The following PARL variants were observed in gnomAD, a reference collection of about 807,000 sequenced individuals.
PARL encodes the protein presenilin-associated rhomboid-like protein, mitochondrial.
In PARL, 44 loss-of-function variants were observed where a neutral mutation model predicts 51.6. The ratio of observed to expected loss-of-function variants is 0.85; its 90% CI spans 0.67 to 1.10. The LOEUF (loss-of-function observed/expected upper bound fraction) is 1.10. PARL is among the 50% of genes least tolerant of loss of function. The pLI, the probability that PARL is intolerant of heterozygous loss-of-function variation, is 0.00. For synonymous variants in PARL, 172 were observed against 164.0 expected (o/e 1.05, Z -0.37); for missense variants, 441 against 469.5 (o/e 0.94, Z 0.56).
intron 1 of PARL, among the ~76,000 whole-genome samples, chr3:183,868,391 CTT>C (rs145149456): frequency 6.9e-5 from 10 of 145,342 alleles, no homozygotes; most frequent in Admixed American, 1.4e-4. Flanking sequence ...TTGTCCGTTT[CTT>C]TTTTTTTTTT....
chr3:183,828,166 G>A (rs1727564616), downstream of PARL, among the ~76,000 whole-genome samples: 1 of 152,258 alleles, frequency 6.6e-6, no homozygotes, highest in Non-Finnish European at 1.5e-5. Flanking sequence ...GGGTTTTAGG[G>A]ACCAGGAGAT....
chr3:183,826,841 A>G (rs938300434), downstream of PARL: 3 of 903,278 alleles, frequency 3.3e-6, no homozygotes, highest in African/African-American at 5.4e-5. Flanking sequence ...AAAATTCTCC[A>G]TCTCGCAGGA....
At position 183,871,048 on chromosome 3, in the gene PARL, T is replaced by C. The variant is rs192940711; in HGVS notation, c.126-2988A>G. Among the ~76,000 whole-genome samples, 832 of 152,270 alleles carry C rather than the reference T, an allele frequency of 5.5e-3. 4 individuals carry two copies. Among genetic ancestry groups the C allele is most frequent in the African/African-American group, 0.019 (799 of 41,544 alleles). ...GCCCCCATTAGATTACAGTTTTATA[T>C]TCATTATATCTCTATCACCAAGTCT... On this transcript the variant is annotated intron_variant, in intron 1 of 9. Coordinates refer to ENST00000317096, the MANE Select transcript of PARL (RefSeq NM_018622.7).
chr3:183,845,134 C>A (rs1729797110), intron 4 of PARL, among the ~76,000 whole-genome samples: 1 of 152,162 alleles, frequency 6.6e-6, no homozygotes, highest in Non-Finnish European at 1.5e-5. Flanking sequence ...AGGCAACAGG[C>A]AAGTAGCACT....
At chr3:183,837,034 C>T (rs1728689034) in intron 7 of PARL, among the ~76,000 whole-genome samples, 1 of 152,222 alleles carries the variant, frequency 6.6e-6, no homozygotes, top group African/African-American at 2.4e-5. Context: ...AGCCACTGCG[C>T]CTGGGCTCAC....
At chr3:183,884,681 G>A in intron 1 of PARL, 41 bp downstream of exon 1, 1 of 1,570,602 alleles carries the variant, frequency 6.4e-7, no homozygotes, top group South Asian at 1.2e-5. Flanking sequence ...CCAGAGCTCA[G>A]GGACCAAGAG....
chr3:183,866,875 G>C (rs1732545348), intron 2 of PARL, 110 bp from the exon 3 acceptor site: 1 of 809,956 alleles, frequency 1.2e-6, no homozygotes, highest in Admixed American at 2.2e-5. Context: ...CCAACAGAAG[G>C]GAATACTTGG....
chr3:183,868,144 T>C, intron 1 of PARL, 84 bp from the exon 2 acceptor site: 3 of 947,602 alleles, frequency 3.2e-6, no homozygotes, highest in Admixed American at 1.8e-5. Context: ...GCCTGCATCA[T>C]CACCATCTCA....
Position 183,834,886 on chromosome 3 carries a change from C to CAAAA in PARL, c.829-1065_829-1062dup, listed in dbSNP as rs60078452. On this transcript the variant is annotated intron_variant, in intron 7 of 9. Transcript: ENST00000317096. ...TAAAACCCCGTCTCTACTAAAAATA[C>CAAAA]AAAAAAAAAAAAAAAAAAAAAAATT... 7.2e-3 allele frequency among the ~76,000 whole-genome samples: 784 copies of CAAAA among 108,254 alleles called. 5 individuals carry two copies. The highest frequency in any genetic ancestry group is 0.032 in the East Asian group (119 of 3,758). 71.0% of individuals were successfully genotyped at this position (108,254 alleles called of 152,430 possible).
intron 1 of PARL, among the ~76,000 whole-genome samples, chr3:183,882,204 TAAA>T (rs1209073220): frequency 0.034 from 2,080 of 61,386 alleles, 111 homozygotes; most frequent in East Asian, 0.13. Flanking sequence ...ACAATGTCTC[TAAA>T]AAAAAAAAAA....
chr3:183,868,436 G>C (rs1401088524), intron 1 of PARL, among the ~76,000 whole-genome samples: 1 of 151,758 alleles, frequency 6.6e-6, no homozygotes, highest in East Asian at 1.9e-4. Flanking sequence ...GCCCAGGCTA[G>C]AGTACGATTA....
chr3:183,847,682 G>A (rs1730118694), intron 4 of PARL, among the ~76,000 whole-genome samples: 1 of 152,190 alleles, frequency 6.6e-6, no homozygotes, highest in African/African-American at 2.4e-5. Flanking sequence ...ATGGTGAAAA[G>A]AGAATGGCCT....
intron 7 of PARL, among the ~76,000 whole-genome samples, chr3:183,836,343 GTT>G (rs532209450): frequency 3.6e-4 from 54 of 151,206 alleles, no homozygotes; most frequent in African/African-American, 1.2e-3. Context: ...TGGAACGCTG[GTT>G]TTTTTGTGAT....
intron 9 of PARL, 118 bp from the exon 10 acceptor site, chr3:183,829,827 G>C: frequency 1.2e-6 from 1 of 815,532 alleles, no homozygotes; most frequent in South Asian, 1.4e-5. Flanking sequence ...CTATGTAGCC[G>C]ATTAAAACTG....
chr3:183,846,507 G>T (rs984672628), intron 4 of PARL: 3 of 983,876 alleles, frequency 3.0e-6, no homozygotes, highest in Non-Finnish European at 3.6e-6. Flanking sequence ...AAAAAAAAGC[G>T]GGGGGAAAGA....
In PARL at chr3:183,867,956, C is replaced by T. The variant is rs571537271; in HGVS notation, c.230G>A (p.Ser77Asn). 29 of 1,613,668 alleles carry T rather than the reference C, an allele frequency of 1.8e-5. No homozygotes were observed. Among genetic ancestry groups the T allele is most frequent in the Middle Eastern group, 1.6e-4 (1 of 6,084 alleles). Residue 77 changes from serine to asparagine, a missense_variant, in exon 2 of 10, where the codon AGT (serine) becomes AAT (asparagine). Ser to Asn is a conservative substitution (Grantham distance 46). Coordinates refer to ENST00000317096, the MANE Select transcript of PARL (RefSeq NM_018622.7). ...TTCTTCCACAGGAGGAATCAAAGCA[C>T]TTCTCTTGTATGCTTCACCACTTGT... ...PGTSGEAYKRSALIPPVEETV... is the reference protein window; with the variant it reads ...PGTSGEAYKRNALIPPVEETV...
At chr3:183,826,775 G>C (rs1727443881), downstream of PARL, 1 of 985,436 alleles carries the variant, frequency 1.0e-6, no homozygotes, top group Non-Finnish European at 1.2e-6. Context: ...TGAACTCTTT[G>C]TGGACTGTCC....
intron 4 of PARL, among the ~76,000 whole-genome samples, chr3:183,861,799 G>A (rs186991524): frequency 3.0e-4 from 46 of 151,896 alleles, no homozygotes; most frequent in Admixed American, 2.9e-3. Context: ...TTTTGTTTTT[G>A]AGAGTCTCAT....
intron 7 of PARL, among the ~76,000 whole-genome samples, chr3:183,834,706 T>C (rs1728345211): frequency 6.6e-6 from 1 of 151,980 alleles, no homozygotes; most frequent in Non-Finnish European, 1.5e-5. Context: ...GTGCAGTTTT[T>C]TGCATGTTAA....
Sources: gnomAD v4.1 joint callset for allele counts (sites outside exome capture counted in the v4.1 genomes callset) on GRCh38, gnomAD v4.1.1 for gene constraint, MANE v1.5 for transcripts, NCBI Gene and HGNC (gene_info 2026-07-23, HGNC 2026-07-21) for gene names.